Variants in NFIB observed in about 807,000 individuals in gnomAD.
The protein encoded by NFIB is nuclear factor 1 B-type.
Under a neutral mutation model 61.5 loss-of-function variants are expected in NFIB, and 11 were observed. The ratio of observed to expected loss-of-function variants is 0.18; its 90% CI spans 0.11 to 0.30. NFIB has a LOEUF of 0.30. NFIB is among the 10% of genes least tolerant of loss of function. The probability of loss-of-function intolerance (pLI) is 1.00; values close to 1 mark genes in which losing one functional copy is unlikely to be tolerated. For synonymous variants in NFIB, 260 were observed against 216.5 expected (o/e 1.20, Z -1.76); for missense variants, 471 against 608.9 (o/e 0.77, Z 2.38).
intron 1 of NFIB, among the ~76,000 whole-genome samples, chr9:14,365,106 G>T (rs886352894): frequency 7.9e-5 from 12 of 152,186 alleles, no homozygotes; most frequent in Admixed American, 5.2e-4. Context: ...CATGTAAAGT[G>T]CTTAGCCCAG....
chr9:14,494,783 T>C, the NFIB span, among the ~76,000 whole-genome samples: 1 of 152,182 alleles, frequency 6.6e-6, no homozygotes, highest in Non-Finnish European at 1.5e-5. Context: ...TCCTGCATGT[T>C]TGTGCCTCTG....
chr9:14,291,380 G>T (rs1030198059), intron 2 of NFIB, among the ~76,000 whole-genome samples: 1 of 152,008 alleles, frequency 6.6e-6, no homozygotes, highest in Non-Finnish European at 1.5e-5. Flanking sequence ...AGCTACTTGG[G>T]AGGCTGATTC....
chr9:14,442,398 A>C, the NFIB span, among the ~76,000 whole-genome samples: 1 of 152,166 alleles, frequency 6.6e-6, no homozygotes, highest in Admixed American at 6.5e-5. Flanking sequence ...CAAGAGCAAA[A>C]AATGCATTTG....
the NFIB span, among the ~76,000 whole-genome samples, chr9:14,452,585 G>A: frequency 6.6e-6 from 1 of 152,076 alleles, no homozygotes; most frequent in Admixed American, 6.6e-5. Context: ...TTCAGGAGTG[G>A]TACAGTCATC....
intron 1 of NFIB, among the ~76,000 whole-genome samples, chr9:14,373,714 A>C (rs2061385759): frequency 6.6e-6 from 1 of 151,616 alleles, no homozygotes; most frequent in Admixed American, 6.6e-5. Flanking sequence ...AAATGAGTGA[A>C]AAGGAACACC....
intron 2 of NFIB, among the ~76,000 whole-genome samples, chr9:14,299,636 C>T (rs539653362): frequency 5.3e-5 from 8 of 152,150 alleles, no homozygotes; most frequent in Non-Finnish European, 1.2e-4. Flanking sequence ...AAATACACAA[C>T]CTCCAGGCAA....
chr9:14,511,475 T>C, the NFIB span, among the ~76,000 whole-genome samples: 1 of 151,796 alleles, frequency 6.6e-6, no homozygotes, highest in Admixed American at 6.6e-5. Flanking sequence ...TATTATATAA[T>C]AGTTTCTGTA....
At chr9:14,124,564 G>A (rs908044592) in intron 7 of NFIB, among the ~76,000 whole-genome samples, 5 of 152,156 alleles carry the variant, frequency 3.3e-5, no homozygotes, top group Non-Finnish European at 5.9e-5. Flanking sequence ...GATTCGATTA[G>A]TCAGAAGGAT....
chr9:14,293,229 A>G (rs991074221), intron 2 of NFIB, among the ~76,000 whole-genome samples: 2 of 152,230 alleles, frequency 1.3e-5, no homozygotes, highest in African/African-American at 2.4e-5. Flanking sequence ...TCTCATTTGC[A>G]TGATCTAATA....
chr9:14,469,664 T>G, the NFIB span, among the ~76,000 whole-genome samples: 2 of 152,194 alleles, frequency 1.3e-5, no homozygotes, highest in African/African-American at 4.8e-5. Context: ...TTCCTCCCTC[T>G]TTCTACCACT....
intron 2 of NFIB, among the ~76,000 whole-genome samples, chr9:14,256,459 G>A (rs1486411747): frequency 6.6e-6 from 1 of 151,932 alleles, no homozygotes; most frequent in South Asian, 2.1e-4. Flanking sequence ...CCATAAAGAA[G>A]AAAACATATA....
At chr9:14,382,567 T>G (rs557589494) in intron 1 of NFIB, among the ~76,000 whole-genome samples, 8 of 152,166 alleles carry the variant, frequency 5.3e-5, no homozygotes, top group African/African-American at 1.4e-4. Flanking sequence ...ACTACCATTT[T>G]GGAAAATAGT....
At chr9:14,503,342 T>C in the NFIB span, among the ~76,000 whole-genome samples, 2 of 152,282 alleles carry the variant, frequency 1.3e-5, no homozygotes, top group Non-Finnish European at 2.9e-5. Context: ...GTGGATCTAC[T>C]TTTAATCCTT....
chr9:14,292,655 G>A (rs1324909784), intron 2 of NFIB, among the ~76,000 whole-genome samples: 1 of 152,114 alleles, frequency 6.6e-6, no homozygotes. Flanking sequence ...CCAAGCACCT[G>A]CAAACAGTAG....
At chr9:14,370,861 G>T (rs1018585642) in intron 1 of NFIB, among the ~76,000 whole-genome samples, 1 of 152,206 alleles carries the variant, frequency 6.6e-6, no homozygotes, top group Admixed American at 6.5e-5. Flanking sequence ...TTGGGAGGCC[G>T]AGGCGGGTGG....
the NFIB span, among the ~76,000 whole-genome samples, chr9:14,447,621 A>G: frequency 6.6e-6 from 1 of 152,138 alleles, no homozygotes; most frequent in Non-Finnish European, 1.5e-5. Flanking sequence ...TAAAAGCAGT[A>G]TATTTTCTTT....
At chr9:14,451,589 A>G in the NFIB span, among the ~76,000 whole-genome samples, 2 of 152,246 alleles carry the variant, frequency 1.3e-5, no homozygotes, top group Admixed American at 6.5e-5. Flanking sequence ...GTTTGACAAT[A>G]GTTTCTAAGC....
intron 2 of NFIB, among the ~76,000 whole-genome samples, chr9:14,215,967 T>C (rs1019111892): frequency 3.3e-5 from 5 of 152,268 alleles, no homozygotes; most frequent in African/African-American, 9.6e-5. Flanking sequence ...CACGATACCT[T>C]GTTCATGGGG....
At position 14,294,958 on chromosome 9, in the gene NFIB, C is replaced by T. The variant is rs549870820; in HGVS notation, c.562+12031G>A. Among the ~76,000 whole-genome samples, 7 of 152,304 alleles carry T rather than the reference C, an allele frequency of 4.6e-5. No individual in the cohort carries two copies. The East Asian group carries it at 1.4e-3, about 29-fold the overall frequency. ...CCGAAACTAGTTCCTCCAAGGACCT[C>T]CATGGACACAACCAACCAGAGCTAC... On this transcript the variant is annotated intron_variant, in intron 2 of 10. Coordinates refer to ENST00000380953, the MANE Select transcript of NFIB (RefSeq NM_001190737.2).
Sources: allele counts gnomAD v4.1 joint callset (sites outside exome capture counted in the v4.1 genomes callset), GRCh38; gene constraint gnomAD v4.1.1; transcripts MANE v1.5; gene names NCBI Gene and HGNC (gene_info 2026-07-23, HGNC 2026-07-21).